The following SEMA3D variants were observed in gnomAD, a reference collection of about 807,000 sequenced individuals.
SEMA3D encodes the protein semaphorin 3D, also known as semaphorin-3D.
A neutral mutation model predicts 100.1 loss-of-function variants in SEMA3D; 84 were observed. That is an observed-to-expected ratio of 0.84 (90% CI 0.70 to 1.01). The LOEUF is 1.01. Among genes scored for constraint, SEMA3D ranks in the 50% least tolerant of loss-of-function variants. SEMA3D has a pLI of 0.00. For missense variants in SEMA3D, 875 were observed against 934.1 expected, an observed-to-expected ratio of 0.94 and a Z score of 0.82; for synonymous variants, 312 against 320.7, an observed-to-expected ratio of 0.97 and a Z score of 0.29.
rs573180353 is a variant in SEMA3D, at chr7:85,030,009, T to C, written c.1191+6880A>G. 7.2e-5 allele frequency among the ~76,000 whole-genome samples: 11 copies of C among 151,994 alleles called. No individual in the cohort carries two copies. The South Asian group carries it at 2.1e-3, about 29-fold the overall frequency. On this transcript the variant is annotated intron_variant, in intron 12 of 18. Coordinates refer to ENST00000284136, the MANE Select transcript of SEMA3D (RefSeq NM_001384900.1). ...AAAAAAAAAGATTTTGAGCTGAAAA[T>C]GAGCATTTATTTAATGTCTCTAGTG...
chr7:85,180,778 C>T (rs548731290), intron 1 of SEMA3D, among the ~76,000 whole-genome samples: 8 of 152,274 alleles, frequency 5.3e-5, no homozygotes, highest in South Asian at 2.1e-4. Flanking sequence ...CATGCAGATA[C>T]TATATTACAT....
chr7:85,222,258 C>A, the SEMA3D span, among the ~76,000 whole-genome samples: 1 of 151,320 alleles, frequency 6.6e-6, no homozygotes, highest in East Asian at 1.9e-4. Context: ...TTCAAAGTAG[C>A]TAAAGGTAAA....
intron 1 of SEMA3D, among the ~76,000 whole-genome samples, chr7:85,158,954 A>G (rs1790671538): frequency 6.6e-6 from 1 of 152,094 alleles, no homozygotes; most frequent in Non-Finnish European, 1.5e-5. Context: ...CAAATTCCTC[A>G]TTGTGACTTA....
intron 11 of SEMA3D, among the ~76,000 whole-genome samples, chr7:85,037,377 G>C (rs1790730360): frequency 6.6e-6 from 1 of 152,130 alleles, no homozygotes; most frequent in Admixed American, 6.6e-5. Context: ...GGAGGATAAA[G>C]AGGAATATGC....
intron 3 of SEMA3D, among the ~76,000 whole-genome samples, chr7:85,117,217 G>A (rs957702940): frequency 6.6e-6 from 1 of 152,204 alleles, no homozygotes; most frequent in East Asian, 1.9e-4. Context: ...AGAAACCTGA[G>A]GATACATGAA....
In SEMA3D at chr7:84,997,915, G is replaced by A. The variant is rs10261725; in HGVS notation, c.*1525C>T. On this transcript the variant is annotated 3_prime_UTR_variant, in exon 19 of 19. Coordinates refer to ENST00000284136, the MANE Select transcript of SEMA3D (RefSeq NM_001384900.1). ...CTTAAACAGACAGGAAACACACCAT[G>A]CATATTCAGAGGGAAAGTCAAATTG... is the stretch of plus-strand genomic sequence containing the variant. 0.28 allele frequency: 42,660 copies of A among 152,010 alleles called. 6,262 individuals carry two copies. The highest frequency in any genetic ancestry group is 0.33 in the Non-Finnish European group (22,453 of 67,870). 9.4% of individuals were successfully genotyped at this position (152,010 alleles called of 1,614,324 possible). A position where few individuals can be genotyped will look rare whatever the true frequency, so the allele number is the denominator to read the frequency against.
intron 18 of SEMA3D, 90 bp downstream of exon 18, chr7:85,006,712 T>G: frequency 4.1e-6 from 4 of 984,606 alleles, no homozygotes; most frequent in Non-Finnish European, 5.6e-6. Context: ...CAAATAATGA[T>G]GAGAGTAGCA....
intron 12 of SEMA3D, among the ~76,000 whole-genome samples, chr7:85,022,877 T>G (rs1327516894): frequency 6.6e-6 from 1 of 151,898 alleles, no homozygotes; most frequent in South Asian, 2.1e-4. Flanking sequence ...GAAGATTATT[T>G]CTTCTGAAGA....
chr7:85,055,914 T>C (rs1221842092), intron 8 of SEMA3D, 55 bp from the exon 9 acceptor site: 3 of 967,770 alleles, frequency 3.1e-6, no homozygotes, highest in African/African-American at 3.4e-5. Flanking sequence ...CCAGTCATCA[T>C]AGTTTGATGA....
At chr7:85,167,181 A>T in intron 1 of SEMA3D, 2 of 680,272 alleles carry the variant, frequency 2.9e-6, no homozygotes, top group Non-Finnish European at 3.6e-6. Flanking sequence ...AGGGAGCTAT[A>T]TCAACTACAT....
chr7:85,114,527 T>C (rs181498992), intron 3 of SEMA3D, among the ~76,000 whole-genome samples: 9 of 152,260 alleles, frequency 5.9e-5, no homozygotes, highest in African/African-American at 4.8e-5. Flanking sequence ...AAATGACTCA[T>C]AGTAGCCCTG....
At chr7:85,054,739 T>G (rs1052222529) in intron 9 of SEMA3D, among the ~76,000 whole-genome samples, 3 of 152,104 alleles carry the variant, frequency 2.0e-5, no homozygotes, top group African/African-American at 7.2e-5. Context: ...ATGAAAAGTT[T>G]GTACAAGACC....
At chr7:85,156,928 T>C (rs1483126192) in intron 1 of SEMA3D, among the ~76,000 whole-genome samples, 4 of 152,204 alleles carry the variant, frequency 2.6e-5, no homozygotes, top group East Asian at 3.8e-4. Context: ...ACATGCTTTG[T>C]TTGGAATAAT....
At chr7:85,236,281 TTTTATTTA>T in the SEMA3D span, among the ~76,000 whole-genome samples, 2,852 of 131,942 alleles carry the variant, frequency 0.022, 87 homozygotes, top group African/African-American at 0.081. Flanking sequence ...TTTTATTTTA[TTTTATTTA>T]TTTATTTATT....
At chr7:85,160,001 C>T (rs1790702279) in intron 1 of SEMA3D, 1 of 977,848 alleles carries the variant, frequency 1.0e-6, no homozygotes, top group Non-Finnish European at 1.2e-6. Context: ...TACCACATCT[C>T]TCCATGAACT....
the SEMA3D span, among the ~76,000 whole-genome samples, chr7:85,212,484 A>G: frequency 6.6e-6 from 1 of 150,926 alleles, no homozygotes; most frequent in African/African-American, 2.5e-5. Context: ...GTTCTTCTTC[A>G]GAGAAATATA....
At chr7:85,209,215 G>A in the SEMA3D span, among the ~76,000 whole-genome samples, 10 of 151,868 alleles carry the variant, frequency 6.6e-5, no homozygotes, top group South Asian at 2.1e-3. Flanking sequence ...ATTTCTTTTT[G>A]TAGTGCATAT....
chr7:85,171,229 T>A (rs971631409), intron 1 of SEMA3D, among the ~76,000 whole-genome samples: 23 of 151,994 alleles, frequency 1.5e-4, no homozygotes, highest in African/African-American at 5.3e-4. Flanking sequence ...TAGGGCCTAC[T>A]GGAAAAGCAA....
intron 16 of SEMA3D, 84 bp downstream of exon 16, chr7:85,014,975 A>C (rs1235516382): frequency 2.0e-6 from 2 of 993,238 alleles, no homozygotes; most frequent in Middle Eastern, 2.5e-4. Context: ...TTTCTCTTTA[A>C]CTTAAACTAT....
Sources: allele counts gnomAD v4.1 joint callset (sites outside exome capture counted in the v4.1 genomes callset), GRCh38; gene constraint gnomAD v4.1.1; transcripts MANE v1.5; gene names NCBI Gene and HGNC (gene_info 2026-07-23, HGNC 2026-07-21).